The following TSHZ2 variants were observed in gnomAD, a reference collection of about 807,000 sequenced individuals.
TSHZ2 encodes teashirt zinc finger homeobox 2, also known as teashirt homolog 2.
Under a neutral mutation model 74.4 loss-of-function variants are expected in TSHZ2, and 21 were observed. That is an observed-to-expected ratio of 0.28 (90% CI 0.20 to 0.41). The LOEUF (loss-of-function observed/expected upper bound fraction) is 0.41, where lower values mean the gene tolerates loss of function less well. Among genes scored for constraint, TSHZ2 ranks in the 10% least tolerant of loss-of-function variants. The pLI is 1.00. For missense variants in TSHZ2, 1,244 were observed against 1,293.5 expected (o/e 0.96, Z 0.59); for synonymous variants, 540 against 515.3 (o/e 1.05, Z -0.65).
At chr20:53,096,940 C>CA (rs1390452217) in intron 1 of TSHZ2, among the ~76,000 whole-genome samples, 3 of 150,964 alleles carry the variant, frequency 2.0e-5, no homozygotes, top group Non-Finnish European at 4.4e-5. Flanking sequence ...AAACAAAAAA[C>CA]AAAAAACAAA....
At chr20:53,160,924 G>A (rs1252413532) in intron 1 of TSHZ2, among the ~76,000 whole-genome samples, 6 of 151,810 alleles carry the variant, frequency 4.0e-5, no homozygotes, top group African/African-American at 1.2e-4. Context: ...AATAGGCCAG[G>A]TGAAAATTTC....
chr20:53,087,772 G>T (rs1009179146), intron 1 of TSHZ2, among the ~76,000 whole-genome samples: 1 of 152,190 alleles, frequency 6.6e-6, no homozygotes, highest in African/African-American at 2.4e-5. Flanking sequence ...ATGATGGTAC[G>T]TGTTGGCTGT....
rs866291536 is a variant in TSHZ2, at chr20:53,204,369, C to A, written c.41-49130C>A. 2.0e-3 allele frequency among the ~76,000 whole-genome samples: 274 copies of A among 137,836 alleles called. 23 individuals are homozygous for A. Among genetic ancestry groups the A allele is most frequent in the African/African-American group, 7.7e-3 (251 of 32,590 alleles). The allele number at this position is 137,836 out of a possible 152,430, so 90.4% of individuals were successfully genotyped here. A position where few individuals can be genotyped will look rare whatever the true frequency, so the allele number is the denominator to read the frequency against. ...ACATGATGATATGATACTATATCATCATATAACATGATGATATGATACTAT... is the reference window on the plus strand; with the variant it reads ...ACATGATGATATGATACTATATCATAATATAACATGATGATATGATACTAT... On this transcript the variant is annotated intron_variant, in intron 1 of 2. Coordinates refer to ENST00000371497, the MANE Select transcript of TSHZ2 (RefSeq NM_173485.6).
chr20:53,190,111 ATATATATATATATATATATATATATATT>A lies in TSHZ2; in HGVS notation c.41-63386_41-63359del, dbSNP rs1340677235. ...AATATATATATATATATATATATATATATATATATATATATATATATATATATTTTCTTAAATGCCTCTGTTTCTTTTT... is the reference window on the plus strand; with the variant it reads ...AATATATATATATATATATATATATATTCTTAAATGCCTCTGTTTCTTTTT... On this transcript the variant is annotated intron_variant, in intron 1 of 2. Coordinates refer to ENST00000371497, the MANE Select transcript of TSHZ2 (RefSeq NM_173485.6). 5.1e-5 allele frequency among the ~76,000 whole-genome samples: 4 copies of A among 78,800 alleles called. No individual in the cohort carries two copies. In the East Asian group the frequency reaches 1.4e-3, roughly 27 times the overall value. 51.7% of individuals were successfully genotyped at this position (78,800 alleles called of 152,430 possible). A position where few individuals can be genotyped will look rare whatever the true frequency, so the allele number is the denominator to read the frequency against.
intron 2 of TSHZ2, among the ~76,000 whole-genome samples, chr20:53,277,752 C>G (rs1190702739): frequency 1.3e-5 from 2 of 152,214 alleles, no homozygotes; most frequent in Non-Finnish European, 2.9e-5. Context: ...AGCACATACC[C>G]TTAAAGCAAT....
At chr20:52,985,075 C>T (rs1324234060) in intron 1 of TSHZ2, among the ~76,000 whole-genome samples, 1 of 152,154 alleles carries the variant, frequency 6.6e-6, no homozygotes, top group African/African-American at 2.4e-5. Flanking sequence ...AAAGAGGCCA[C>T]ACTTTTCCAC....
At chr20:53,272,258 C>T (rs965052064) in intron 2 of TSHZ2, among the ~76,000 whole-genome samples, 3 of 152,104 alleles carry the variant, frequency 2.0e-5, no homozygotes, top group African/African-American at 7.2e-5. Context: ...GGTCTGCCTG[C>T]CTCGGCCTCC....
intron 2 of TSHZ2, among the ~76,000 whole-genome samples, chr20:53,481,684 T>A (rs1052680916): frequency 6.6e-6 from 1 of 152,174 alleles, no homozygotes; most frequent in African/African-American, 2.4e-5. Context: ...ATAGGAACAC[T>A]GACCTTTCCA....
intron 2 of TSHZ2, among the ~76,000 whole-genome samples, chr20:53,266,453 T>G (rs767354404): frequency 6.6e-6 from 1 of 152,180 alleles, no homozygotes; most frequent in Admixed American, 6.5e-5. Context: ...ACCCCTCCAC[T>G]TACAGGATCA....
At chr20:53,339,432 C>G (rs2145564818) in intron 2 of TSHZ2, among the ~76,000 whole-genome samples, 1 of 152,302 alleles carries the variant, frequency 6.6e-6, no homozygotes, top group Admixed American at 6.5e-5. Flanking sequence ...ACTTTGAACC[C>G]TGAAAGGCCT....
In TSHZ2 at chr20:53,493,067, G is replaced by C. The variant is rs1033608240; in HGVS notation, c.*5932G>C. The C allele has an allele frequency of 1.3e-5, 2 of 152,188 alleles. No homozygotes were observed. The allele number at this position is 152,188 out of a possible 1,614,324, so 9.4% of individuals were successfully genotyped here. A position where few individuals can be genotyped will look rare whatever the true frequency, so the allele number is the denominator to read the frequency against. On this transcript the variant is annotated 3_prime_UTR_variant, in exon 3 of 3. Transcript: ENST00000371497. ...TCCCTGAGTACAATGCAGCTTGGAT[G>C]GCTGGGAGCGTAAGCCTTCCGTGCA...
intron 1 of TSHZ2, among the ~76,000 whole-genome samples, chr20:53,073,746 A>G (rs1359631482): frequency 1.3e-5 from 2 of 151,916 alleles, no homozygotes; most frequent in Admixed American, 1.3e-4. Context: ...TATTAACTCC[A>G]TTCCGTCAAG....
At chr20:53,472,707 C>T (rs74175920) in intron 2 of TSHZ2, among the ~76,000 whole-genome samples, 29,826 of 150,710 alleles carry the variant, frequency 0.2, 3,135 homozygotes, top group East Asian at 0.29. Context: ...GCCTGAGCGA[C>T]GCAGAAGACG....
At position 53,175,062 on chromosome 20, in the gene TSHZ2, G is replaced by A. The variant is rs749442934; in HGVS notation, c.41-78437G>A. Among the ~76,000 whole-genome samples the A allele has an allele frequency of 2.7e-5, 4 of 150,100 alleles. 1 individual carries two copies. Among genetic ancestry groups the A allele is most frequent in the Non-Finnish European group, 5.9e-5 (4 of 67,592 alleles). On this transcript the variant is annotated intron_variant, in intron 1 of 2. Transcript: ENST00000371497. ...GAATGAGACGTAACGGGGGCAGCAA[G>A]AGGATGATTCCTGACTATGTTATAG... is the stretch of plus-strand genomic sequence containing the variant.
chr20:53,168,543 T>C (rs1032109839), intron 1 of TSHZ2: 7 of 152,238 alleles, frequency 4.6e-5, no homozygotes, highest in African/African-American at 1.7e-4. Context: ...ATTGAATATA[T>C]ATGGATTCCA....
chr20:53,167,571 G>A (rs767240168), intron 1 of TSHZ2, among the ~76,000 whole-genome samples: 5 of 152,050 alleles, frequency 3.3e-5, no homozygotes, highest in Non-Finnish European at 7.4e-5. Flanking sequence ...GCTTGTTTGT[G>A]TGTGTGTGTG....
At chr20:52,985,452 C>T (rs982544332) in intron 1 of TSHZ2, among the ~76,000 whole-genome samples, 3 of 152,280 alleles carry the variant, frequency 2.0e-5, no homozygotes, top group African/African-American at 7.2e-5. Flanking sequence ...TAATAATCCT[C>T]TCCATGCCTT....
At chr20:53,309,506 T>C (rs1228741505) in intron 2 of TSHZ2, among the ~76,000 whole-genome samples, 2 of 152,214 alleles carry the variant, frequency 1.3e-5, no homozygotes, top group African/African-American at 4.8e-5. Context: ...GAAACCACTG[T>C]ACATTAGACA....
intron 1 of TSHZ2, among the ~76,000 whole-genome samples, chr20:53,036,412 TAAC>T (rs1341540064): frequency 2.6e-5 from 4 of 151,960 alleles, no homozygotes; most frequent in African/African-American, 4.8e-5. Context: ...GTACCTTTAA[TAAC>T]GTGTATGTAT....
Sources: allele counts gnomAD v4.1 joint callset (sites outside exome capture counted in the v4.1 genomes callset), GRCh38; gene constraint gnomAD v4.1.1; transcripts MANE v1.5; gene names NCBI Gene and HGNC (gene_info 2026-07-23, HGNC 2026-07-21).